RAPGEF2: variants seen among roughly 807,000 people sequenced by gnomAD.
RAPGEF2 encodes the protein Rap guanine nucleotide exchange factor 2.
RAPGEF2 carries 54 observed loss-of-function variants against 186.7 expected under a neutral mutation model. The ratio of observed to expected loss-of-function variants is 0.29; its 90% CI spans 0.23 to 0.36. RAPGEF2 has a LOEUF of 0.36. RAPGEF2 is among the 10% of genes least tolerant of loss of function. The probability of loss-of-function intolerance (pLI) is 1.00; values close to 1 mark genes in which losing one functional copy is unlikely to be tolerated. For synonymous variants in RAPGEF2, 712 were observed against 705.9 expected (o/e 1.01, Z -0.14); for missense variants, 1,532 against 2,045.0 (o/e 0.75, Z 4.84).
intron 7 of RAPGEF2, among the ~76,000 whole-genome samples, chr4:159,273,387 TG>T (rs1412449819): frequency 6.6e-6 from 1 of 152,232 alleles, no homozygotes; most frequent in African/African-American, 2.4e-5. Context: ...ATGTGCTTTT[TG>T]TGTCACAGGA....
intron 1 of RAPGEF2, among the ~76,000 whole-genome samples, chr4:159,165,786 T>C (rs1369506475): frequency 6.6e-6 from 1 of 152,016 alleles, no homozygotes; most frequent in African/African-American, 2.4e-5. Context: ...AGGGTTGGGG[T>C]CTCGCTATGT....
At chr4:159,177,233 C>A (rs1384300973) in intron 1 of RAPGEF2, among the ~76,000 whole-genome samples, 1 of 144,200 alleles carries the variant, frequency 6.9e-6, no homozygotes. Context: ...TTTTTTTTGG[C>A]ATACAGACAC....
chr4:159,248,169 TATTGTATATG>T (rs1754875319), intron 7 of RAPGEF2, among the ~76,000 whole-genome samples: 2 of 152,206 alleles, frequency 1.3e-5, no homozygotes, highest in Non-Finnish European at 2.9e-5. Flanking sequence ...TTAATGACCA[TATTGTATATG>T]AATATAAATA....
chr4:159,267,618 C>CT, intron 7 of RAPGEF2: 2 of 582,358 alleles, frequency 3.4e-6, no homozygotes, highest in Non-Finnish European at 4.7e-6. Flanking sequence ...CTTTCATTTT[C>CT]TTTTTTTCTC....
chr4:159,322,734 C>T (rs920265786), intron 10 of RAPGEF2, among the ~76,000 whole-genome samples: 3 of 152,110 alleles, frequency 2.0e-5, no homozygotes, highest in African/African-American at 4.8e-5. Context: ...GCTGGGGAGG[C>T]CTCAGAATCA....
intron 4 of RAPGEF2, among the ~76,000 whole-genome samples, chr4:159,232,396 G>A (rs1007506012): frequency 3.9e-5 from 6 of 152,156 alleles, no homozygotes; most frequent in African/African-American, 1.4e-4. Context: ...GTACTTTTGT[G>A]GCTGGTTTGT....
intron 1 of RAPGEF2, among the ~76,000 whole-genome samples, chr4:159,122,667 G>C (rs969534600): frequency 6.6e-6 from 1 of 152,150 alleles, no homozygotes; most frequent in Non-Finnish European, 1.5e-5. Flanking sequence ...TTCGTGTCAT[G>C]AGTATGGTTA....
intron 1 of RAPGEF2, among the ~76,000 whole-genome samples, chr4:159,158,516 C>G (rs1479135197): frequency 1.3e-5 from 2 of 152,172 alleles, no homozygotes; most frequent in Non-Finnish European, 2.9e-5. Flanking sequence ...CCAAATCTCT[C>G]TGCTTTTAAA....
intron 7 of RAPGEF2, among the ~76,000 whole-genome samples, chr4:159,268,887 T>C (rs1235910333): frequency 1.3e-5 from 2 of 152,168 alleles, no homozygotes; most frequent in African/African-American, 4.8e-5. Flanking sequence ...ATGGTGCTAC[T>C]TTTATATCAC....
At chr4:159,132,988 A>G (rs570882795) in intron 1 of RAPGEF2, among the ~76,000 whole-genome samples, 6 of 151,778 alleles carry the variant, frequency 4.0e-5, no homozygotes, top group Non-Finnish European at 8.8e-5. Flanking sequence ...CCCTTCTGGT[A>G]GTGAGTGATT....
At chr4:159,124,734 G>T (rs1740096450) in intron 1 of RAPGEF2, among the ~76,000 whole-genome samples, 1 of 152,118 alleles carries the variant, frequency 6.6e-6, no homozygotes, top group Non-Finnish European at 1.5e-5. Context: ...GCCAAGCAAG[G>T]ACTAGGACTT....
chr4:159,138,824 A>G (rs974835805), intron 1 of RAPGEF2, among the ~76,000 whole-genome samples: 1 of 152,222 alleles, frequency 6.6e-6, no homozygotes, highest in Non-Finnish European at 1.5e-5. Context: ...TGAACCAAAA[A>G]TTACAGAGCA....
At chr4:159,316,972 C>G (rs1201672738) in intron 9 of RAPGEF2, among the ~76,000 whole-genome samples, 1 of 152,138 alleles carries the variant, frequency 6.6e-6, no homozygotes, top group South Asian at 2.1e-4. Context: ...CATAGCCACC[C>G]TTGCCTGAGC....
intron 4 of RAPGEF2, 24 bp from the exon 5 acceptor site, chr4:159,238,781 CATTG>C (rs1376656564): frequency 3.3e-6 from 5 of 1,493,642 alleles, no homozygotes; most frequent in Admixed American, 2.3e-5. Flanking sequence ...AGGTTCTCCT[CATTG>C]ATTTTTTTTT....
chr4:159,180,757 A>G (rs1746924177), intron 1 of RAPGEF2, among the ~76,000 whole-genome samples: 1 of 152,220 alleles, frequency 6.6e-6, no homozygotes, highest in South Asian at 2.1e-4. Flanking sequence ...TATGGATATG[A>G]ATGTTTTATT....
chr4:159,339,401 C>T, intron 19 of RAPGEF2, 47 bp downstream of exon 19: 4 of 1,579,274 alleles, frequency 2.5e-6, no homozygotes, highest in Non-Finnish European at 3.4e-6. Flanking sequence ...CTCTTCGAAC[C>T]CACATCAAAG....
At chr4:159,175,772 G>A (rs909454806) in intron 1 of RAPGEF2, among the ~76,000 whole-genome samples, 10 of 152,158 alleles carry the variant, frequency 6.6e-5, no homozygotes, top group African/African-American at 1.9e-4. Context: ...TTCTGAAGCC[G>A]TAACACACAG....
intron 3 of RAPGEF2, among the ~76,000 whole-genome samples, chr4:159,205,009 TA>T (rs1016668677): frequency 1.3e-5 from 2 of 151,910 alleles, no homozygotes; most frequent in Non-Finnish European, 2.9e-5. Context: ...CTCATAATTT[TA>T]AAAAAAAATT....
intron 1 of RAPGEF2, among the ~76,000 whole-genome samples, chr4:159,134,893 A>G (rs967736199): frequency 8.5e-5 from 13 of 152,176 alleles, no homozygotes; most frequent in Non-Finnish European, 5.9e-5. Flanking sequence ...AGCAACTACC[A>G]GTTTACTGTC....
Sources: allele counts gnomAD v4.1 joint callset (sites outside exome capture counted in the v4.1 genomes callset), GRCh38; gene constraint gnomAD v4.1.1; transcripts MANE v1.5; gene names NCBI Gene and HGNC (gene_info 2026-07-23, HGNC 2026-07-21).